Variants in PTPRN2 observed in about 807,000 individuals in gnomAD.
PTPRN2 encodes the protein protein tyrosine phosphatase receptor type N2.
In PTPRN2, 74 loss-of-function variants were observed where a neutral mutation model predicts 118.8. That is an observed-to-expected ratio of 0.62 (90% CI 0.52 to 0.76). PTPRN2 has a LOEUF of 0.76. Among genes scored for constraint, PTPRN2 ranks in the 30% least tolerant of loss-of-function variants. The probability of loss-of-function intolerance (pLI) is 0.00; values close to 1 mark genes in which losing one functional copy is unlikely to be tolerated. For missense variants in PTPRN2, 1,481 were observed against 1,394.4 expected (o/e 1.06, Z -0.99); for synonymous variants, 641 against 608.0 (o/e 1.05, Z -0.80).
intron 3 of PTPRN2, among the ~76,000 whole-genome samples, chr7:158,234,214 T>C (rs750324831): frequency 6.6e-6 from 1 of 150,790 alleles, no homozygotes; most frequent in Non-Finnish European, 1.5e-5. Flanking sequence ...ATGTAAACGA[T>C]CCATCTGACA....
intron 2 of PTPRN2, among the ~76,000 whole-genome samples, chr7:158,369,170 G>C (rs1809759562): frequency 6.6e-6 from 1 of 151,828 alleles, no homozygotes; most frequent in Admixed American, 6.6e-5. Flanking sequence ...TCAGCCTTGG[G>C]ACCTGGACTG....
At chr7:157,797,715 A>G (rs972355887) in intron 12 of PTPRN2, among the ~76,000 whole-genome samples, 3 of 152,212 alleles carry the variant, frequency 2.0e-5, no homozygotes, top group African/African-American at 7.2e-5. Context: ...CTGAGCCCTG[A>G]GACCATGGTG....
intron 11 of PTPRN2, among the ~76,000 whole-genome samples, chr7:158,058,714 C>G (rs369512023): frequency 2.0e-5 from 2 of 98,256 alleles, no homozygotes; most frequent in Non-Finnish European, 4.0e-5. Flanking sequence ...ACTGCAGCCA[C>G]GCTCCATCTG....
rs546887263 is a variant in PTPRN2, at chr7:158,454,837, C to G, written c.163+34898G>C. On this transcript the variant is annotated intron_variant, in intron 2 of 22. Coordinates refer to ENST00000389418, the MANE Select transcript of PTPRN2 (RefSeq NM_002847.5). Reference sequence around the variant, plus strand: ...CACTCTGTTGACCTCGAACATCCCCCCAAGCAGACTACACACTGTCAATGT... The same window carrying G: ...CACTCTGTTGACCTCGAACATCCCCGCAAGCAGACTACACACTGTCAATGT... Among the ~76,000 whole-genome samples, 4 of 152,278 alleles carry G rather than the reference C, an allele frequency of 2.6e-5. No individual in the cohort carries two copies. The South Asian group carries it at 6.2e-4, about 24-fold the overall frequency.
chr7:157,615,849 T>C lies in PTPRN2; in HGVS notation c.2344+5513A>G, dbSNP rs943473375. On this transcript the variant is annotated intron_variant, in intron 15 of 22. Coordinates refer to ENST00000389418, the MANE Select transcript of PTPRN2 (RefSeq NM_002847.5). This position sits in a 1 kb window ranked among gnomAD's most constrained non-coding sequence, Gnocchi z 4.3. Reference sequence around the variant, plus strand: ...GTGGGGGGTGCGCGAGGCCCTGGGCTCCACCGAAGACCTTAAGGAAAAGAC... The same window carrying C: ...GTGGGGGGTGCGCGAGGCCCTGGGCCCCACCGAAGACCTTAAGGAAAAGAC... The C allele has an allele frequency of 2.8e-6, 1 of 352,462 alleles. No homozygotes were observed. The highest frequency in any genetic ancestry group is 5.6e-6 in the Non-Finnish European group (1 of 178,978). 21.8% of individuals were successfully genotyped at this position (352,462 alleles called of 1,614,324 possible). A position where few individuals can be genotyped will look rare whatever the true frequency, so the allele number is the denominator to read the frequency against.
chr7:157,776,539 T>C (rs796277327), intron 12 of PTPRN2, among the ~76,000 whole-genome samples: 8 of 3,762 alleles, frequency 2.1e-3, no homozygotes, highest in African/African-American at 4.0e-3. Context: ...TCTCTCTCCT[T>C]CTCCCTCTCC....
At chr7:158,177,995 C>G (rs1353036126) in intron 5 of PTPRN2, among the ~76,000 whole-genome samples, 1 of 152,122 alleles carries the variant, frequency 6.6e-6, no homozygotes, top group Non-Finnish European at 1.5e-5. Flanking sequence ...TATGAGAGGT[C>G]CAGCTCCTCC....
At chr7:157,963,220 C>T (rs1000612323) in intron 11 of PTPRN2, among the ~76,000 whole-genome samples, 6 of 152,246 alleles carry the variant, frequency 3.9e-5, no homozygotes, top group Non-Finnish European at 8.8e-5. Flanking sequence ...TCCCTCCCTT[C>T]TGCGGCATCC....
At chr7:157,559,976 A>G (rs948527923) in intron 21 of PTPRN2, among the ~76,000 whole-genome samples, 1 of 151,914 alleles carries the variant, frequency 6.6e-6, no homozygotes, top group Non-Finnish European at 1.5e-5. Context: ...GAGGGAGGGG[A>G]GGGCCTGGAT....
rs1563068176 is a variant in PTPRN2 at position 158,270,873 on chromosome 7, CCTCCACCTGGATGACCCCCT to C, written c.277+45926_277+45945del. Among the ~76,000 whole-genome samples the C allele has an allele frequency of 2.7e-3, 227 of 84,150 alleles. 23 individuals are homozygous for C. The highest frequency in any genetic ancestry group is 9.4e-3 in the African/African-American group (170 of 18,092). 55.2% of individuals were successfully genotyped at this position (84,150 alleles called of 152,430 possible). ...GACCGCCCCCCCACCTGGACCGCCC[CCTCCACCTGGATGACCCCCT>C]CCACCTGGACCACCCCCCCCACCTG... On this transcript the variant is annotated intron_variant, in intron 3 of 22. Transcript: ENST00000389418.
At chr7:158,454,774 G>T (rs1241025638) in intron 2 of PTPRN2, among the ~76,000 whole-genome samples, 1 of 152,216 alleles carries the variant, frequency 6.6e-6, no homozygotes, top group Admixed American at 6.5e-5. Context: ...GCAGAGTGGA[G>T]TGTGGATCAT....
rs35163250 is a variant in PTPRN2 at position 157,756,792 on chromosome 7, G to GAA, written c.1789-73857_1789-73856dup. 3.6e-3 allele frequency among the ~76,000 whole-genome samples: 477 copies of GAA among 133,908 alleles called. 2 individuals are homozygous for GAA. Among genetic ancestry groups the GAA allele is most frequent in the African/African-American group, 0.012 (440 of 37,112 alleles). The allele number at this position is 133,908 out of a possible 152,430, so 87.8% of individuals were successfully genotyped here. On this transcript the variant is annotated intron_variant, in intron 12 of 22. Transcript: ENST00000389418. ...GGGTGACTATGTCAGGAGAAGGGAG[G>GAA]AAAAAAAAAAAAAAACCCTGTTCCT...
intron 2 of PTPRN2, among the ~76,000 whole-genome samples, chr7:158,333,826 A>C (rs1274173623): frequency 2.2e-5 from 3 of 136,352 alleles, no homozygotes; most frequent in Admixed American, 1.5e-4. Flanking sequence ...GGTCACTCAC[A>C]CCCACACTCT....
chr7:157,692,177 T>C (rs1439142364), intron 12 of PTPRN2, among the ~76,000 whole-genome samples: 1 of 151,944 alleles, frequency 6.6e-6, no homozygotes, highest in Non-Finnish European at 1.5e-5. Context: ...CATTGTTCCC[T>C]GCGCCCGGGA....
intron 2 of PTPRN2, among the ~76,000 whole-genome samples, chr7:158,481,249 T>C (rs1820620874): frequency 6.6e-6 from 1 of 152,222 alleles, no homozygotes; most frequent in Admixed American, 6.5e-5. Context: ...TGACAGCACA[T>C]CTGTTTACAG....
intron 12 of PTPRN2, among the ~76,000 whole-genome samples, chr7:157,769,086 G>A (rs1039855491): frequency 3.9e-5 from 6 of 152,154 alleles, no homozygotes; most frequent in African/African-American, 9.7e-5. Context: ...CACAGCGAAC[G>A]GGAGGAGCGT....
intron 12 of PTPRN2, among the ~76,000 whole-genome samples, chr7:157,805,289 C>CTCTG (rs1805555901): frequency 6.7e-6 from 1 of 148,690 alleles, no homozygotes; most frequent in Non-Finnish European, 1.5e-5. Context: ...ATATATACTC[C>CTCTG]TGTGTGTGTG....
At chr7:158,350,694 C>A (rs1385752204) in intron 2 of PTPRN2, among the ~76,000 whole-genome samples, 2 of 152,048 alleles carry the variant, frequency 1.3e-5, no homozygotes, top group African/African-American at 4.8e-5. Flanking sequence ...CTGCCTCCTG[C>A]CGGCCACTGG....
Position 157,563,003 on chromosome 7 carries a change from C to T in PTPRN2, c.2902+5899G>A, listed in dbSNP as rs1210930666. Among the ~76,000 whole-genome samples the T allele has an allele frequency of 2.5e-5, 3 of 121,926 alleles. 1 individual carries two copies. Among genetic ancestry groups the T allele is most frequent in the Non-Finnish European group, 5.1e-5 (3 of 58,930 alleles). The allele number at this position is 121,926 out of a possible 152,430, so 80.0% of individuals were successfully genotyped here. On this transcript the variant is annotated intron_variant, in intron 21 of 22. Transcript: ENST00000389418. ...CACCACACACAGCAGATCAGGACCACATGCTCCCACGTCACCACACACAGC... is the reference window on the plus strand; with the variant it reads ...CACCACACACAGCAGATCAGGACCATATGCTCCCACGTCACCACACACAGC...
Sources: allele counts gnomAD v4.1 joint callset (sites outside exome capture counted in the v4.1 genomes callset), GRCh38; gene constraint gnomAD v4.1.1; non-coding constraint Gnocchi (gnomAD v3.1); transcripts MANE v1.5; gene names NCBI Gene and HGNC (gene_info 2026-07-23, HGNC 2026-07-21).